The following PALLD variants were observed in gnomAD, a reference collection of about 807,000 sequenced individuals.
PALLD encodes palladin.
In PALLD, 61 loss-of-function variants were observed where a neutral mutation model predicts 123.5. That is an observed-to-expected ratio of 0.49 (90% confidence interval 0.40 to 0.61). The LOEUF (loss-of-function observed/expected upper bound fraction) is 0.61, where lower values mean the gene tolerates loss of function less well. PALLD is among the 20% of genes least tolerant of loss of function. The pLI is 0.00. For synonymous variants in PALLD, 465 were observed against 496.4 expected, an observed-to-expected ratio of 0.94 and a Z score of 0.84; for missense variants, 1,273 against 1,377.0, an observed-to-expected ratio of 0.92 and a Z score of 1.20.
At chr4:168,733,707 C>T (rs926899392) in intron 10 of PALLD, among the ~76,000 whole-genome samples, 1 of 152,012 alleles carries the variant, frequency 6.6e-6, no homozygotes. Flanking sequence ...GCTGGGATTA[C>T]AGAAATGTTT....
chr4:168,782,938 A>C (rs568788336), intron 10 of PALLD, among the ~76,000 whole-genome samples: 15 of 151,994 alleles, frequency 9.9e-5, no homozygotes, highest in East Asian at 7.7e-4. Context: ...ACAAAAAAAA[A>C]CTTTTTTTAC....
intron 10 of PALLD, among the ~76,000 whole-genome samples, chr4:168,777,901 GC>G (rs946291488): frequency 6.6e-6 from 1 of 152,162 alleles, no homozygotes; most frequent in African/African-American, 2.4e-5. Flanking sequence ...AATTCAGGGA[GC>G]CAGCTGCCTC....
chr4:168,531,498 G>A (rs767937274), intron 2 of PALLD, among the ~76,000 whole-genome samples: 6 of 152,112 alleles, frequency 3.9e-5, no homozygotes, highest in Non-Finnish European at 8.8e-5. Context: ...CTGAAAAATC[G>A]GCAGGTGTGA....
chr4:168,791,023 A>G (rs1737440723), intron 10 of PALLD, among the ~76,000 whole-genome samples: 4 of 152,160 alleles, frequency 2.6e-5, no homozygotes, highest in Admixed American at 2.6e-4. Context: ...TCCCTATGTT[A>G]TAACAGGCAT....
At chr4:168,582,476 C>T (rs552697180) in intron 2 of PALLD, among the ~76,000 whole-genome samples, 16 of 152,170 alleles carry the variant, frequency 1.1e-4, no homozygotes, top group African/African-American at 3.4e-4. Flanking sequence ...TGCCTAATTG[C>T]TCTGGCTAGG....
intron 10 of PALLD, among the ~76,000 whole-genome samples, chr4:168,761,791 G>A (rs142468668): frequency 1.8e-4 from 28 of 151,718 alleles, no homozygotes; most frequent in East Asian, 5.8e-4. Context: ...GATTACAGGC[G>A]TGAGCCACCG....
chr4:168,801,755 G>A (rs192325373), intron 10 of PALLD, among the ~76,000 whole-genome samples: 106 of 152,266 alleles, frequency 7.0e-4, no homozygotes, highest in African/African-American at 2.3e-3. Context: ...TTAACACCCC[G>A]TCGTGCTTGC....
intron 17 of PALLD, among the ~76,000 whole-genome samples, chr4:168,920,458 G>A (rs916877549): frequency 5.9e-5 from 9 of 152,184 alleles, no homozygotes; most frequent in African/African-American, 2.2e-4. Flanking sequence ...CTGTTTTACA[G>A]TCTAAGTGAC....
At chr4:168,724,187 A>C (rs760152771) in intron 10 of PALLD, among the ~76,000 whole-genome samples, 2 of 152,148 alleles carry the variant, frequency 1.3e-5, no homozygotes, top group Non-Finnish European at 2.9e-5. Flanking sequence ...TTTTAAAATG[A>C]TTGTTCTCAA....
At chr4:168,527,539 A>G (rs1185989577) in intron 2 of PALLD, among the ~76,000 whole-genome samples, 1 of 152,094 alleles carries the variant, frequency 6.6e-6, no homozygotes, top group African/African-American at 2.4e-5. Flanking sequence ...ATCTTCACAA[A>G]GCTTTTCTTC....
chr4:168,654,271 T>G lies in PALLD; in HGVS notation c.909-13919T>G, dbSNP rs564163367. ...GTAATAGCTTTAGAGTTGTTTTTTT[T>G]GGGGAGGAGGGAAGGGGTGTTATGT... On this transcript the variant is annotated intron_variant, in intron 2 of 21. Transcript: ENST00000505667. 1.1e-4 allele frequency among the ~76,000 whole-genome samples: 16 copies of G among 152,284 alleles called. No individual in the cohort carries two copies. The South Asian group carries it at 1.5e-3, about 14-fold the overall frequency.
At chr4:168,549,036 G>A (rs573419507) in intron 2 of PALLD, among the ~76,000 whole-genome samples, 237 of 149,438 alleles carry the variant, frequency 1.6e-3, no homozygotes, top group Middle Eastern at 3.4e-3. Context: ...AAGAAAGAAA[G>A]AAAAAAAAAT....
intron 14 of PALLD, among the ~76,000 whole-genome samples, chr4:168,902,176 G>A (rs1188022886): frequency 6.6e-6 from 1 of 152,162 alleles, no homozygotes; most frequent in Non-Finnish European, 1.5e-5. Context: ...TTGAATGTCA[G>A]TTTATGTTAC....
At chr4:168,714,153 T>C (rs1407874750) in intron 10 of PALLD, among the ~76,000 whole-genome samples, 1 of 152,098 alleles carries the variant, frequency 6.6e-6, no homozygotes, top group Non-Finnish European at 1.5e-5. Context: ...ACAAAATCAG[T>C]GGATGCTTGA....
chr4:168,555,308 C>A (rs555650665), intron 2 of PALLD, among the ~76,000 whole-genome samples: 1 of 152,280 alleles, frequency 6.6e-6, no homozygotes, highest in Admixed American at 6.5e-5. Flanking sequence ...CCAAAGAAGA[C>A]TAAAACTGGT....
intron 2 of PALLD, among the ~76,000 whole-genome samples, chr4:168,573,260 C>A (rs751774841): frequency 6.6e-6 from 1 of 151,926 alleles, no homozygotes; most frequent in African/African-American, 2.4e-5. Context: ...AACACTCCCG[C>A]CAAAGGATCC....
At chr4:168,567,342 A>G (rs1007179038) in intron 2 of PALLD, among the ~76,000 whole-genome samples, 3 of 152,162 alleles carry the variant, frequency 2.0e-5, no homozygotes, top group East Asian at 3.9e-4. Context: ...AAACAACTCT[A>G]TGAAGAAGTA....
intron 2 of PALLD, among the ~76,000 whole-genome samples, chr4:168,561,565 G>C (rs1767872288): frequency 6.6e-6 from 1 of 152,178 alleles, no homozygotes; most frequent in South Asian, 2.1e-4. Flanking sequence ...CTGCACCTCT[G>C]TGCCCAGCCC....
intron 2 of PALLD, among the ~76,000 whole-genome samples, chr4:168,522,524 A>G (rs1057380394): frequency 6.6e-6 from 1 of 152,206 alleles, no homozygotes; most frequent in African/African-American, 2.4e-5. Context: ...AGTACTTTTC[A>G]ACATGTTTCT....
Sources: allele counts gnomAD v4.1 joint callset (sites outside exome capture counted in the v4.1 genomes callset), GRCh38; gene constraint gnomAD v4.1.1; transcripts MANE v1.5; gene names NCBI Gene and HGNC (gene_info 2026-07-23, HGNC 2026-07-21).